Variants in ABI3BP observed in about 807,000 individuals in gnomAD.
ABI3BP encodes the protein ABI family member 3 binding protein.
Under a neutral mutation model 268.6 loss-of-function variants are expected in ABI3BP, and 216 were observed. That is an observed-to-expected ratio of 0.80 (90% CI 0.72 to 0.90). ABI3BP has a LOEUF of 0.90. Among genes scored for constraint, ABI3BP ranks in the 40% least tolerant of loss-of-function variants. The pLI is 0.00. For missense variants in ABI3BP, 2,090 were observed against 2,182.4 expected, an observed-to-expected ratio of 0.96 and a Z score of 0.84; for synonymous variants, 730 against 730.0, an observed-to-expected ratio of 1.00 and a Z score of 0.00.
Position 100,825,846 on chromosome 3 carries a change from T to C in ABI3BP, c.2603-2A>G, listed in dbSNP as rs2098372346. 6.5e-7 allele frequency: 1 copy of C among 1,532,712 alleles called. No individual in the cohort carries two copies. Among genetic ancestry groups the C allele is most frequent in the Non-Finnish European group, 8.7e-7 (1 of 1,143,880 alleles). 94.9% of individuals were successfully genotyped at this position (1,532,712 alleles called of 1,614,324 possible). A position where few individuals can be genotyped will look rare whatever the true frequency, so the allele number is the denominator to read the frequency against. ...CAGGCTCGAGGTCTGTAACAGGAAC[T>C]GAAGTAATAAGATAAACAAAAGAGA... On this transcript the variant is annotated splice_acceptor_variant, in intron 34 of 67. Transcript: ENST00000471714. LOFTEE classifies it high-confidence loss of function.
chr3:100,949,534 G>T lies in ABI3BP; in HGVS notation c.80-23053C>A, dbSNP rs140815311. 3.8e-3 allele frequency among the ~76,000 whole-genome samples: 573 copies of T among 152,276 alleles called. 5 individuals carry two copies. Among genetic ancestry groups the T allele is most frequent in the Middle Eastern group, 6.8e-3 (2 of 294 alleles). On this transcript the variant is annotated intron_variant, in intron 1 of 67. Transcript: ENST00000471714. ...GCCCACCTTGGCCTCAAAAGTTGCT[G>T]GGATTACAGGCATGAGCCACCTTGC...
At chr3:100,985,569 C>T (rs72930292) in intron 1 of ABI3BP, among the ~76,000 whole-genome samples, 32,910 of 151,830 alleles carry the variant, frequency 0.22, 3,727 homozygotes, top group East Asian at 0.44. Context: ...GGGATAAAAG[C>T]GTTTTTTCTA....
intron 1 of ABI3BP, among the ~76,000 whole-genome samples, chr3:100,936,991 G>C (rs1305486843): frequency 6.6e-6 from 1 of 151,926 alleles, no homozygotes; most frequent in African/African-American, 2.4e-5. Flanking sequence ...TTTCTGCTCT[G>C]ATTTTACTAT....
chr3:100,834,572 C>A, intron 29 of ABI3BP, 112 bp downstream of exon 29: 1 of 944,008 alleles, frequency 1.1e-6, no homozygotes. Flanking sequence ...CTTTCCATGA[C>A]TTGGGCCTTC....
At chr3:100,810,330 G>A in intron 49 of ABI3BP, 82 bp downstream of exon 49, 1 of 1,207,144 alleles carries the variant, frequency 8.3e-7, no homozygotes, top group Non-Finnish European at 1.2e-6. Flanking sequence ...GATGAAGTCA[G>A]GGCCTCTGAT....
chr3:100,753,839 C>G lies in ABI3BP; in HGVS notation c.4940G>C (p.Arg1647Thr). 8 of 1,610,508 alleles carry G rather than the reference C, an allele frequency of 5.0e-6. No individual in the cohort carries two copies. The highest frequency in any genetic ancestry group is 6.8e-6 in the Non-Finnish European group (8 of 1,178,488). Residue 1647 changes from arginine to threonine, a missense_variant, in exon 65 of 68, where the codon AGA becomes ACA. Transcript: ENST00000471714. ...VAFSTESADP[R>T]VSEPVSAGRD... ...CTTACCAGAAACTGGCTCACTCACT[C>G]TTGGGTCCGCTGAGGAGAAATAAAT...
chr3:100,926,586 CAT>C lies in ABI3BP; in HGVS notation c.80-107_80-106del, dbSNP rs779192545. 7.7e-4 allele frequency: 825 copies of C among 1,072,416 alleles called. 2 individuals carry two copies. Among genetic ancestry groups the C allele is most frequent in the Non-Finnish European group, 7.5e-4 (548 of 726,290 alleles). 66.4% of individuals were successfully genotyped at this position (1,072,416 alleles called of 1,614,324 possible). A position where few individuals can be genotyped will look rare whatever the true frequency, so the allele number is the denominator to read the frequency against. Reference sequence around the variant, plus strand: ...GGCTAGAGGCATTGTTCTTGAAAAACATGTTGTCTACTTTGCTACTCAGTATT... The same window carrying C: ...GGCTAGAGGCATTGTTCTTGAAAAACGTTGTCTACTTTGCTACTCAGTATT... On this transcript the variant is annotated intron_variant, in intron 1 of 67. Transcript: ENST00000471714.
rs1350777615 is a variant in ABI3BP at position 100,834,764 on chromosome 3, G to C, written c.2201C>G (p.Thr734Arg). The C allele has an allele frequency of 1.3e-6, 2 of 1,535,608 alleles. No homozygotes were observed. The highest frequency in any genetic ancestry group is 3.9e-5 in the Admixed American group (2 of 50,968). ...ACGACGTGTTCTTGTTCGTTGCGAT[G>C]TTTTTGGAGCTAAAGAAAGGAAACT... ...EATVTTLAPK[T>R]SQRTRTRRPR... is the part of the protein sequence containing the mutation. Residue 734 changes from threonine to arginine, a missense_variant, in exon 29 of 68, where the codon ACA becomes AGA. Physicochemically the swap from Thr to Arg is moderately conservative, Grantham distance 71. Transcript: ENST00000471714.
chr3:100,862,218 C>T (rs2099006085), intron 14 of ABI3BP, 93 bp downstream of exon 14: 3 of 839,704 alleles, frequency 3.6e-6, no homozygotes, highest in Non-Finnish European at 5.6e-6. Flanking sequence ...TATTACAAAG[C>T]ATAATGATAA....
Position 100,774,815 on chromosome 3 carries a change from A to G in ABI3BP, c.4463-142T>C, listed in dbSNP as rs2096654898. The G allele has an allele frequency of 1.9e-5, 13 of 681,812 alleles. No individual in the cohort carries two copies. The Middle Eastern group carries it at 1.2e-3, about 65-fold the overall frequency. The allele number at this position is 681,812 out of a possible 1,614,324, so 42.2% of individuals were successfully genotyped here. A position where few individuals can be genotyped will look rare whatever the true frequency, so the allele number is the denominator to read the frequency against. On this transcript the variant is annotated intron_variant, in intron 60 of 67. Coordinates refer to ENST00000471714, the MANE Select transcript of ABI3BP (RefSeq NM_001375547.2). ...TGATTTTTTAAAATTATACATATTC[A>G]TCCACAATATAAGGCCATTAGTTGT...
At chr3:100,788,771 A>G (rs1476762936) in intron 56 of ABI3BP, among the ~76,000 whole-genome samples, 1 of 152,090 alleles carries the variant, frequency 6.6e-6, no homozygotes, top group African/African-American at 2.4e-5. Context: ...CCCCGAGAAC[A>G]TTCATTCGTA....
chr3:100,787,197 G>A (rs2097076456), intron 57 of ABI3BP, among the ~76,000 whole-genome samples: 1 of 152,016 alleles, frequency 6.6e-6, no homozygotes, highest in Non-Finnish European at 1.5e-5. Context: ...GATTAGATTA[G>A]AGCTATGTTA....
intron 20 of ABI3BP, chr3:100,844,448 A>C: frequency 2.0e-6 from 2 of 985,410 alleles, no homozygotes; most frequent in Non-Finnish European, 2.4e-6. Context: ...TCGTTGACTT[A>C]ACCACCAAGC....
intron 28 of ABI3BP, among the ~76,000 whole-genome samples, chr3:100,835,012 G>A (rs2098553148): frequency 6.6e-6 from 1 of 152,138 alleles, no homozygotes; most frequent in Non-Finnish European, 1.5e-5. Flanking sequence ...ATTATTAGTT[G>A]CTGGTATAGG....
intron 9 of ABI3BP, among the ~76,000 whole-genome samples, chr3:100,869,310 GT>G (rs1163306000): frequency 1.3e-5 from 1 of 79,476 alleles, no homozygotes; most frequent in African/African-American, 4.8e-5. Context: ...CAGGCATATT[GT>G]TTTTTCTTCT....
intron 9 of ABI3BP, among the ~76,000 whole-genome samples, chr3:100,868,178 A>C (rs2099073350): frequency 1.3e-5 from 2 of 152,186 alleles, no homozygotes; most frequent in African/African-American, 4.8e-5. Context: ...GGCTATACAG[A>C]ACTTAGATTT....
Position 100,848,786 on chromosome 3 carries a change from T to G in ABI3BP, c.1576+15A>C. On this transcript the variant is annotated intron_variant, in intron 18 of 67. Coordinates refer to ENST00000471714, the MANE Select transcript of ABI3BP (RefSeq NM_001375547.2). The stretch of plus-strand genomic sequence containing the variant: ...TCTGGAATTACATATCATGTAAATA[T>G]AAAGAGACATTTACCAGGTTTGGTT... 2 of 1,604,444 alleles carry G rather than the reference T, an allele frequency of 1.2e-6. No individual in the cohort carries two copies. Among genetic ancestry groups the G allele is most frequent in the Non-Finnish European group, 1.7e-6 (2 of 1,171,390 alleles).
Position 100,752,791 on chromosome 3 carries a change from G to C in ABI3BP, c.5118C>G (p.Leu1706=). The C allele has an allele frequency of 6.2e-7, 1 of 1,612,668 alleles. No individual in the cohort carries two copies. Among genetic ancestry groups the C allele is most frequent in the South Asian group, 1.1e-5 (1 of 91,044 alleles). ...LRYKIYLSDS[L]TGKFYNIGDQ... ...AGAGCTGGTAGCTCTGCTTACCTGT[G>C]AGGGAGTCGCTCAAGTAAATCTTGT... Residue 1706 remains leucine, a synonymous_variant, in exon 66 of 68, where the codon CTC becomes CTG. Coordinates refer to ENST00000471714, the MANE Select transcript of ABI3BP (RefSeq NM_001375547.2).
intron 1 of ABI3BP, among the ~76,000 whole-genome samples, chr3:100,944,880 G>A (rs534701317): frequency 7.9e-5 from 12 of 152,274 alleles, no homozygotes; most frequent in African/African-American, 2.9e-4. Flanking sequence ...GCCATGAGAT[G>A]TCAGGAGGCT....
Sources: allele counts gnomAD v4.1 joint callset (sites outside exome capture counted in the v4.1 genomes callset), GRCh38; gene constraint gnomAD v4.1.1; transcripts MANE v1.5; gene names NCBI Gene and HGNC (gene_info 2026-07-23, HGNC 2026-07-21).